The following ATP10B variants were observed in gnomAD, a reference collection of about 807,000 sequenced individuals.
ATP10B encodes phospholipid-transporting ATPase VB.
ATP10B carries 122 observed loss-of-function variants against 141.2 expected under a neutral mutation model. The ratio of observed to expected loss-of-function variants is 0.86; its 90% CI spans 0.75 to 1.00. The LOEUF (loss-of-function observed/expected upper bound fraction) is 1.00. Among genes scored for constraint, ATP10B ranks in the 50% least tolerant of loss-of-function variants. ATP10B has a pLI of 0.00. For synonymous variants in ATP10B, 685 were observed against 692.0 expected (o/e 0.99, Z 0.16); for missense variants, 1,876 against 1,825.3 (o/e 1.03, Z -0.51).
chr5:160,677,753 C>A (rs1370688009), intron 6 of ATP10B, among the ~76,000 whole-genome samples: 1 of 152,194 alleles, frequency 6.6e-6, no homozygotes, highest in Non-Finnish European at 1.5e-5. Flanking sequence ...CAGGCAGCAA[C>A]CCCAGAATAT....
intron 2 of ATP10B, among the ~76,000 whole-genome samples, chr5:160,732,420 T>A (rs1766811952): frequency 6.6e-6 from 1 of 152,224 alleles, no homozygotes; most frequent in African/African-American, 2.4e-5. Flanking sequence ...TTCTAGTAGT[T>A]TTATAGTTTC....
intron 1 of ATP10B, among the ~76,000 whole-genome samples, chr5:160,809,232 A>G (rs1195384030): frequency 2.0e-5 from 3 of 152,170 alleles, no homozygotes; most frequent in African/African-American, 7.2e-5. Context: ...AAATAAGAGA[A>G]AAATTCTTAG....
chr5:160,830,507 A>G (rs906706872), intron 1 of ATP10B, among the ~76,000 whole-genome samples: 1 of 152,218 alleles, frequency 6.6e-6, no homozygotes, highest in African/African-American at 2.4e-5. Context: ...TTAAAAACCA[A>G]TGCTTTGCTT....
intron 1 of ATP10B, among the ~76,000 whole-genome samples, chr5:160,804,209 A>G (rs1045163560): frequency 4.6e-5 from 7 of 152,210 alleles, no homozygotes; most frequent in African/African-American, 1.7e-4. Flanking sequence ...AACATTTTTC[A>G]TCTTTGTCAA....
chr5:160,735,392 A>C (rs1202222410), intron 2 of ATP10B, among the ~76,000 whole-genome samples: 1 of 152,120 alleles, frequency 6.6e-6, no homozygotes, highest in African/African-American at 2.4e-5. Flanking sequence ...AAACTATAAG[A>C]GACAATGAAG....
intron 19 of ATP10B, 27 bp downstream of exon 19, chr5:160,606,738 C>A: frequency 6.3e-7 from 1 of 1,595,280 alleles, no homozygotes; most frequent in Non-Finnish European, 8.6e-7. Context: ...TGCCAAAGTG[C>A]CACCCGCATC....
At chr5:160,737,975 A>G (rs1767233448) in intron 2 of ATP10B, among the ~76,000 whole-genome samples, 4 of 152,118 alleles carry the variant, frequency 2.6e-5, no homozygotes, top group Admixed American at 2.6e-4. Context: ...ACATTTGTAG[A>G]CATATAACCT....
At chr5:160,672,366 G>T (rs548219395) in intron 6 of ATP10B, among the ~76,000 whole-genome samples, 2 of 152,242 alleles carry the variant, frequency 1.3e-5, no homozygotes, top group South Asian at 4.2e-4. Flanking sequence ...AGGTAATACG[G>T]TCTATTCCAC....
chr5:160,927,964 T>TA, the ATP10B span, among the ~76,000 whole-genome samples: 2 of 152,124 alleles, frequency 1.3e-5, no homozygotes, highest in African/African-American at 4.8e-5. Context: ...AGCCAAGGAA[T>TA]AAGTGTTCCA....
chr5:160,590,168 G>A (rs1412763185), intron 23 of ATP10B, among the ~76,000 whole-genome samples: 1 of 152,158 alleles, frequency 6.6e-6, no homozygotes, highest in Non-Finnish European at 1.5e-5. Flanking sequence ...GAGGGTAAAT[G>A]CAGTTCCAGA....
At chr5:160,594,317 C>A (rs1281386753) in intron 22 of ATP10B, among the ~76,000 whole-genome samples, 3 of 152,136 alleles carry the variant, frequency 2.0e-5, no homozygotes, top group East Asian at 1.9e-4. Context: ...GAAATAAAAT[C>A]CGTTACAGAC....
At chr5:160,759,981 G>A (rs1002592445) in intron 2 of ATP10B, among the ~76,000 whole-genome samples, 1 of 152,278 alleles carries the variant, frequency 6.6e-6, no homozygotes, top group African/African-American at 2.4e-5. Context: ...CAGAGGCAAC[G>A]TGTAGGCCAT....
chr5:160,766,031 C>G (rs1337254417), intron 2 of ATP10B, among the ~76,000 whole-genome samples: 1 of 151,880 alleles, frequency 6.6e-6, no homozygotes, highest in East Asian at 1.9e-4. Flanking sequence ...GAAAGAATAG[C>G]CATCATTTAA....
Position 160,604,003 on chromosome 5 carries a change from C to T in ATP10B, c.3199G>A (p.Asp1067Asn). 6.2e-7 allele frequency: 1 copy of T among 1,613,948 alleles called. No homozygotes were observed. Among genetic ancestry groups the T allele is most frequent in the Non-Finnish European group, 8.5e-7 (1 of 1,179,956 alleles). ...TGTCCAGATATTCCAATTCCAATAT[C>T]AGCAGCTTGAATCATGCTTACATCA... ...ANDVSMIQAA[D>N]IGIGISGQEG... Residue 1067 changes from aspartate to asparagine, a missense_variant, in exon 20 of 26, where the codon GAT becomes AAT. Physicochemically the swap from Asp to Asn is conservative, Grantham distance 23. Transcript: ENST00000327245.
chr5:160,715,903 G>T (rs551229465), intron 3 of ATP10B, among the ~76,000 whole-genome samples: 2 of 152,034 alleles, frequency 1.3e-5, no homozygotes, highest in South Asian at 2.1e-4. Context: ...TTGAGATGGG[G>T]TTTCACCATC....
At chr5:160,793,882 C>A (rs1040860172) in intron 1 of ATP10B, among the ~76,000 whole-genome samples, 6 of 152,148 alleles carry the variant, frequency 3.9e-5, no homozygotes, top group African/African-American at 1.4e-4. Flanking sequence ...CTTACAATTA[C>A]CTACAGTATT....
chr5:160,682,597 G>A (rs551986898), intron 6 of ATP10B, among the ~76,000 whole-genome samples: 8 of 152,214 alleles, frequency 5.3e-5, no homozygotes, highest in African/African-American at 1.9e-4. Flanking sequence ...GCAGAGCGAG[G>A]AGAACAGGAC....
At chr5:160,632,073 C>T in intron 13 of ATP10B, 56 bp downstream of exon 13, 1 of 1,500,418 alleles carries the variant, frequency 6.7e-7, no homozygotes, top group Non-Finnish European at 9.1e-7. Flanking sequence ...TTCCAGAGCA[C>T]CCTCCCTCTC....
At chr5:160,821,427 T>A (rs1774095689) in intron 1 of ATP10B, among the ~76,000 whole-genome samples, 1 of 150,566 alleles carries the variant, frequency 6.6e-6, no homozygotes, top group Non-Finnish European at 1.5e-5. Context: ...ACTGTTAAAA[T>A]GCCCATACTA....
Sources: gnomAD v4.1 joint callset for allele counts (sites outside exome capture counted in the v4.1 genomes callset) on GRCh38, gnomAD v4.1.1 for gene constraint, MANE v1.5 for transcripts, NCBI Gene and HGNC (gene_info 2026-07-23, HGNC 2026-07-21) for gene names.